The following ZNF831 variants were observed in gnomAD, a reference collection of about 807,000 sequenced individuals.
ZNF831 encodes the protein zinc finger protein 831.
In ZNF831, 59 loss-of-function variants were observed where a neutral mutation model predicts 95.8. The observed-to-expected ratio is 0.62, with a 90% CI of 0.50 to 0.77. ZNF831 has a LOEUF of 0.77. ZNF831 is among the 30% of genes least tolerant of loss of function. The pLI is 0.00. For missense variants in ZNF831, 2,205 were observed against 2,164.0 expected, an observed-to-expected ratio of 1.02 and a Z score of -0.38; for synonymous variants, 961 against 925.5, an observed-to-expected ratio of 1.04 and a Z score of -0.70.
chr20:59,248,141 TGTGATGAGAGATGGTCTCTCTAATAAGA>T (rs1229819778), intron 4 of ZNF831, among the ~76,000 whole-genome samples: 19 of 152,320 alleles, frequency 1.2e-4, no homozygotes, highest in African/African-American at 4.3e-4. Context: ...CACAGAGAGC[TGTGATGAGAGATGGTCTCTCTAATAAGA>T]GTCCCATAAT....
chr20:59,185,628 G>A (rs757805181), intron 1 of ZNF831, among the ~76,000 whole-genome samples: 4 of 152,116 alleles, frequency 2.6e-5, no homozygotes, highest in African/African-American at 7.2e-5. Context: ...TCGTCCTGCA[G>A]CGAGAGCTCT....
At chr20:59,190,761 G>T (rs1053011569) in intron 1 of ZNF831, among the ~76,000 whole-genome samples, 2 of 152,200 alleles carry the variant, frequency 1.3e-5, no homozygotes, top group African/African-American at 2.4e-5. Flanking sequence ...TCCAAATCCC[G>T]CTTTGCCACA....
chr20:59,145,001 G>C (rs1417550855), intron 1 of ZNF831, among the ~76,000 whole-genome samples: 1 of 152,214 alleles, frequency 6.6e-6, no homozygotes, highest in Non-Finnish European at 1.5e-5. Context: ...GAGCAGTGAG[G>C]AGTAGACCTG....
intron 4 of ZNF831, among the ~76,000 whole-genome samples, chr20:59,220,345 C>T (rs1985998850): frequency 6.6e-6 from 1 of 152,212 alleles, no homozygotes; most frequent in Non-Finnish European, 1.5e-5. Flanking sequence ...CTTGCGGGGT[C>T]TGTTTCCCCG....
In ZNF831 at chr20:59,254,787, G is replaced by A. The variant is rs764881265; in HGVS notation, c.*44G>A. On this transcript the variant is annotated 3_prime_UTR_variant, in exon 6 of 6. Coordinates refer to ENST00000371030, the MANE Select transcript of ZNF831 (RefSeq NM_178457.3). This position sits in a 1 kb window ranked among gnomAD's most constrained non-coding sequence, Gnocchi z 4.5. ...GTGTCTGGTCAAAAAGACTGTTGACGCTTCACAAGTAAATGTTGTCAGGCT... is the reference window on the plus strand; with the variant it reads ...GTGTCTGGTCAAAAAGACTGTTGACACTTCACAAGTAAATGTTGTCAGGCT... 6 of 1,554,902 alleles carry A rather than the reference G, an allele frequency of 3.9e-6. No individual in the cohort carries two copies. The highest frequency in any genetic ancestry group is 5.2e-6 in the Non-Finnish European group (6 of 1,156,390).
intron 4 of ZNF831, among the ~76,000 whole-genome samples, chr20:59,243,057 T>A (rs1987416561): frequency 6.6e-6 from 1 of 152,222 alleles, no homozygotes; most frequent in Non-Finnish European, 1.5e-5. Context: ...TCTTAATTAT[T>A]AGCAATAAAC....
Position 59,194,111 on chromosome 20 carries a change from C to A in ZNF831, c.3092C>A (p.Ala1031Asp), listed in dbSNP as rs375772171. 1 of 1,554,380 alleles carries A rather than the reference C, an allele frequency of 6.4e-7. No individual in the cohort carries two copies. Among genetic ancestry groups the A allele is most frequent in the Non-Finnish European group, 8.7e-7 (1 of 1,149,640 alleles). Reference sequence around the variant, plus strand: ...GGGGGGGACAAGGGGGACAGGATGGCCACTAGCAGGCCAGCAGCCAGGGAG... The same window carrying A: ...GGGGGGGACAAGGGGGACAGGATGGACACTAGCAGGCCAGCAGCCAGGGAG... ...QLGGDKGDRM[A>D]TSRPAARELP... Residue 1031 changes from alanine (A) to aspartate (D), a missense_variant, in exon 2 of 6, where the codon GCC becomes GAC. Physicochemically the swap from Ala to Asp is moderately radical, Grantham distance 126 (BLOSUM62 -2). Coordinates refer to ENST00000371030, the MANE Select transcript of ZNF831 (RefSeq NM_178457.3).
chr20:59,164,261 A>G (rs977504231), intron 1 of ZNF831, among the ~76,000 whole-genome samples, 54 bp downstream of exon 1: 6 of 152,016 alleles, frequency 3.9e-5, no homozygotes, highest in Admixed American at 6.6e-5. Flanking sequence ...TTAAAAAAAA[A>G]CTCTTTTACT....
chr20:59,179,000 C>T (rs1374685845), intron 1 of ZNF831, among the ~76,000 whole-genome samples: 1 of 152,196 alleles, frequency 6.6e-6, no homozygotes, highest in Non-Finnish European at 1.5e-5. Flanking sequence ...CCATCCTCCA[C>T]CCCCAGCATG....
chr20:59,151,234 A>G (rs1266820236), intron 2 of ZNF831, among the ~76,000 whole-genome samples: 1 of 152,090 alleles, frequency 6.6e-6, no homozygotes, highest in Non-Finnish European at 1.5e-5. Context: ...TGCCACCCTG[A>G]TCTGTGTATT....
chr20:59,161,106 T>C (rs1980827415), upstream of ZNF831, among the ~76,000 whole-genome samples: 2 of 152,216 alleles, frequency 1.3e-5, no homozygotes, highest in Admixed American at 1.3e-4. Context: ...TTATTTGTTA[T>C]ATTGAATTGA....
Position 59,168,935 on chromosome 20 carries a change from A to C in ZNF831, c.-37+4728A>C, listed in dbSNP as rs543830381. On this transcript the variant is annotated intron_variant, in intron 1 of 5. Transcript: ENST00000371030. ...GTTCAAGGTGTATAATTTTTTTCTT[A>C]TCACAGAATTCTATTTGCTGATATT... Among the ~76,000 whole-genome samples, 3 of 152,210 alleles carry C rather than the reference A, an allele frequency of 2.0e-5. No homozygotes were observed. In the East Asian group the frequency reaches 5.8e-4, roughly 29 times the overall value.
chr20:59,238,390 C>T (rs1987121656), intron 4 of ZNF831, among the ~76,000 whole-genome samples: 1 of 152,140 alleles, frequency 6.6e-6, no homozygotes, highest in Admixed American at 6.5e-5. Context: ...ATCTCGATTT[C>T]TCTCTCTCTT....
chr20:59,236,265 CG>C (rs1339624905), intron 4 of ZNF831, among the ~76,000 whole-genome samples: 1 of 152,184 alleles, frequency 6.6e-6, no homozygotes, highest in Non-Finnish European at 1.5e-5. Context: ...GCCTAGCCAA[CG>C]AGTCTCTTGG....
At chr20:59,176,941 T>G (rs1401264038) in intron 1 of ZNF831, among the ~76,000 whole-genome samples, 2 of 152,240 alleles carry the variant, frequency 1.3e-5, no homozygotes, top group African/African-American at 4.8e-5. Flanking sequence ...ACATTTTATT[T>G]TGTGTTCTAA....
At position 59,195,374 on chromosome 20, in the gene ZNF831, C is replaced by T. The variant is rs980098995; in HGVS notation, c.3739-495C>T. On this transcript the variant is annotated intron_variant, in intron 2 of 5. Coordinates refer to ENST00000371030, the MANE Select transcript of ZNF831 (RefSeq NM_178457.3). The stretch of plus-strand genomic sequence containing the variant: ...AGTCCTGCTCTGGAGTGGCTTGGGC[C>T]GCGGCCACTGAGGACGGTCCTGGAG... 3.3e-5 allele frequency among the ~76,000 whole-genome samples: 5 copies of T among 152,278 alleles called. No individual in the cohort carries two copies. The East Asian group carries it at 5.8e-4, about 18-fold the overall frequency.
rs111271682 is a variant in ZNF831, at chr20:59,205,656, G to A, written c.3876-1249G>A. On this transcript the variant is annotated intron_variant, in intron 3 of 5. Transcript: ENST00000371030. ...GATCTTGGCGGTGGCTCAGATAAAT[G>A]AGAAAGGAAAATAGCCGGTTCTGAG... is the stretch of plus-strand genomic sequence containing the variant. 8.0e-3 allele frequency among the ~76,000 whole-genome samples: 1,213 copies of A among 152,312 alleles called. 18 individuals are homozygous for A. The highest frequency in any genetic ancestry group is 0.027 in the African/African-American group (1,109 of 41,550).
intron 1 of ZNF831, among the ~76,000 whole-genome samples, chr20:59,187,222 C>G (rs1983121172): frequency 1.3e-5 from 2 of 152,124 alleles, no homozygotes; most frequent in African/African-American, 2.4e-5. Context: ...TTTCTTCCCC[C>G]CAGCTCCAAA....
intron 1 of ZNF831, among the ~76,000 whole-genome samples, chr20:59,128,828 C>A (rs778060478): frequency 1.3e-5 from 2 of 152,224 alleles, no homozygotes; most frequent in Non-Finnish European, 2.9e-5. Flanking sequence ...GTGGTGCAAT[C>A]TTGGCTCACT....
Sources: gnomAD v4.1 joint callset for allele counts (sites outside exome capture counted in the v4.1 genomes callset) on GRCh38, gnomAD v4.1.1 for gene constraint, Gnocchi (gnomAD v3.1) non-coding constraint, MANE v1.5 for transcripts, NCBI Gene and HGNC (gene_info 2026-07-23, HGNC 2026-07-21) for gene names.